Variants in DAB1 observed in about 807,000 individuals in gnomAD.
DAB1 encodes disabled homolog 1.
DAB1 carries 15 observed loss-of-function variants against 64.6 expected under a neutral mutation model. The ratio of observed to expected loss-of-function variants is 0.23; its 90% CI spans 0.16 to 0.36. The LOEUF is 0.36. DAB1 is among the 10% of genes least tolerant of loss of function. The probability of loss-of-function intolerance (pLI) is 1.00; values close to 1 mark genes in which losing one functional copy is unlikely to be tolerated. For missense variants in DAB1, 596 were observed against 706.7 expected (o/e 0.84, Z 1.78); for synonymous variants, 235 against 251.9 (o/e 0.93, Z 0.64).
chr1:58,300,006 T>C (rs1411806345), intron 4 of DAB1, among the ~76,000 whole-genome samples: 1 of 152,162 alleles, frequency 6.6e-6, no homozygotes, highest in Non-Finnish European at 1.5e-5. Context: ...ACTTCATTTA[T>C]GGCTTAGCTC....
At chr1:58,254,294 T>C (rs1475429310) in intron 4 of DAB1, among the ~76,000 whole-genome samples, 1 of 152,210 alleles carries the variant, frequency 6.6e-6, no homozygotes, top group Non-Finnish European at 1.5e-5. Context: ...AGAAATACAG[T>C]CATTTCCTAC....
chr1:58,076,452 C>A (rs1395225761), intron 5 of DAB1, among the ~76,000 whole-genome samples: 6 of 152,098 alleles, frequency 3.9e-5, no homozygotes, highest in Admixed American at 6.6e-5. Flanking sequence ...TGGGTTCCTG[C>A]AGAGTGGAAA....
chr1:58,236,914 T>C (rs1266427568), intron 4 of DAB1, among the ~76,000 whole-genome samples: 1 of 152,224 alleles, frequency 6.6e-6, no homozygotes, highest in East Asian at 1.9e-4. Flanking sequence ...AGCTGGAAAC[T>C]GAAACCCAGA....
chr1:58,372,025 G>T (rs1264380285), intron 3 of DAB1, among the ~76,000 whole-genome samples: 1 of 152,244 alleles, frequency 6.6e-6, no homozygotes, highest in Non-Finnish European at 1.5e-5. Flanking sequence ...CCCACAGAGA[G>T]TCCCCACTGG....
At chr1:58,142,759 C>T (rs960521735) in intron 5 of DAB1, among the ~76,000 whole-genome samples, 1 of 152,164 alleles carries the variant, frequency 6.6e-6, no homozygotes, top group African/African-American at 2.4e-5. Context: ...GCTCAGATGC[C>T]CCTACCTCTC....
At chr1:57,178,394 A>G (rs2100956450) in intron 2 of DAB1, among the ~76,000 whole-genome samples, 1 of 152,276 alleles carries the variant, frequency 6.6e-6, no homozygotes, top group African/African-American at 2.4e-5. Context: ...AATGGTTACT[A>G]AATCACAATA....
Position 57,291,102 on chromosome 1 carries a change from G to T in DAB1, c.-72C>A. Reference sequence around the variant, plus strand: ...AGGCTCATTGAGGACTCTTCTCCAAGAGAAAGACTCCTCCCTTCAGAAATG... The same window carrying T: ...AGGCTCATTGAGGACTCTTCTCCAATAGAAAGACTCCTCCCTTCAGAAATG... On this transcript the variant is annotated 5_prime_UTR_variant, in exon 2 of 15. Coordinates refer to ENST00000371236, the MANE Select transcript of DAB1 (RefSeq NM_001365792.1). 1.1e-6 allele frequency: 1 copy of T among 944,612 alleles called. No individual in the cohort carries two copies. Among genetic ancestry groups the T allele is most frequent in the East Asian group, 2.6e-5 (1 of 38,438 alleles). The allele number at this position is 944,612 out of a possible 1,614,324, so 58.5% of individuals were successfully genotyped here.
intron 3 of DAB1, among the ~76,000 whole-genome samples, chr1:58,411,312 C>T (rs1644665290): frequency 6.6e-6 from 1 of 152,172 alleles, no homozygotes; most frequent in Non-Finnish European, 1.5e-5. Flanking sequence ...TATCTAGTCG[C>T]TGCAACACCC....
chr1:57,052,380 T>A (rs1219937843), intron 9 of DAB1, among the ~76,000 whole-genome samples: 1 of 152,148 alleles, frequency 6.6e-6, no homozygotes, highest in Non-Finnish European at 1.5e-5. Context: ...GCACACCAGA[T>A]AGTTCTGTAG....
intron 4 of DAB1, among the ~76,000 whole-genome samples, chr1:58,321,820 A>AC (rs1053706873): frequency 6.6e-6 from 1 of 152,150 alleles, no homozygotes; most frequent in African/African-American, 2.4e-5. Flanking sequence ...TGTAGACCCC[A>AC]CCCCTGGGGG....
intron 1 of DAB1, among the ~76,000 whole-genome samples, chr1:57,416,344 T>C (rs956397714): frequency 6.6e-6 from 1 of 152,202 alleles, no homozygotes; most frequent in Non-Finnish European, 1.5e-5. Flanking sequence ...AAGTTATTTC[T>C]TGGGGACCCC....
intron 1 of DAB1, chr1:57,874,250 T>G (rs921438651): frequency 6.6e-6 from 1 of 152,200 alleles, no homozygotes; most frequent in African/African-American, 2.4e-5. Flanking sequence ...CTGGACCAAG[T>G]GCAACACAGA....
chr1:58,415,530 C>G (rs1644711311), intron 3 of DAB1: 1 of 224,856 alleles, frequency 4.4e-6, no homozygotes, highest in Admixed American at 6.5e-5. Flanking sequence ...AGAAATCACA[C>G]CTCACTTCAG....
chr1:58,229,234 G>A (rs1659662186), intron 4 of DAB1, among the ~76,000 whole-genome samples: 1 of 152,160 alleles, frequency 6.6e-6, no homozygotes, highest in Non-Finnish European at 1.5e-5. Context: ...CTCCCAAAAT[G>A]CTGAGATTAT....
intron 2 of DAB1, among the ~76,000 whole-genome samples, chr1:57,149,138 C>A (rs1420111405): frequency 6.6e-6 from 1 of 152,138 alleles, no homozygotes; most frequent in African/African-American, 2.4e-5. Context: ...TACTTAGCAG[C>A]ATGTTCTCAA....
At chr1:58,408,828 G>A (rs1466886651) in intron 3 of DAB1, among the ~76,000 whole-genome samples, 2 of 152,162 alleles carry the variant, frequency 1.3e-5, no homozygotes, top group African/African-American at 2.4e-5. Flanking sequence ...GGTAGAAGGC[G>A]ACTTTATGCA....
At chr1:57,228,473 C>T (rs539794151) in intron 2 of DAB1, among the ~76,000 whole-genome samples, 1 of 152,050 alleles carries the variant, frequency 6.6e-6, no homozygotes, top group African/African-American at 2.4e-5. Flanking sequence ...TGAAAATAAC[C>T]TAACCTCAGA....
intron 2 of DAB1, among the ~76,000 whole-genome samples, chr1:57,280,094 G>A (rs1358112259): frequency 1.3e-5 from 2 of 152,148 alleles, no homozygotes; most frequent in African/African-American, 2.4e-5. Context: ...GTGTGTAAAT[G>A]GGTCCCTTTA....
intron 3 of DAB1, among the ~76,000 whole-genome samples, chr1:58,381,590 G>C (rs900708206): frequency 2.0e-5 from 3 of 152,148 alleles, no homozygotes; most frequent in Non-Finnish European, 4.4e-5. Flanking sequence ...TATAGAAATG[G>C]TGAAATGTAC....
Sources: allele counts gnomAD v4.1 joint callset (sites outside exome capture counted in the v4.1 genomes callset), GRCh38; gene constraint gnomAD v4.1.1; transcripts MANE v1.5; gene names NCBI Gene and HGNC (gene_info 2026-07-23, HGNC 2026-07-21).